The following TOM1L1 variants were observed in gnomAD, a reference collection of about 807,000 sequenced individuals.
The protein encoded by TOM1L1 is TOM1-like protein 1.
In TOM1L1, 64 loss-of-function variants were observed where a neutral mutation model predicts 63.4. The ratio of observed to expected loss-of-function variants is 1.01; its 90% CI spans 0.83 to 1.24. The LOEUF (loss-of-function observed/expected upper bound fraction) is 1.24, where lower values mean the gene tolerates loss of function less well. Ranked by LOEUF, TOM1L1 falls within the 50% of genes most tolerant of loss-of-function variation. TOM1L1 has a pLI of 0.00. For synonymous variants in TOM1L1, 166 were observed against 194.4 expected (o/e 0.85, Z 1.22); for missense variants, 536 against 567.0 (o/e 0.95, Z 0.55).
At chr17:54,912,893 C>T (rs2048519205) in intron 4 of TOM1L1, 78 bp downstream of exon 4, 1 of 1,250,718 alleles carries the variant, frequency 8.0e-7, no homozygotes, top group Non-Finnish European at 1.1e-6. Context: ...GATTGTTTCA[C>T]TTATCTTTTA....
At chr17:54,960,429 C>T in intron 14 of TOM1L1, 137 bp from the exon 15 acceptor site, 1 of 658,060 alleles carries the variant, frequency 1.5e-6, no homozygotes, top group South Asian at 1.8e-5. Context: ...CACTTCAGGG[C>T]AGAGACTTAT....
intron 11 of TOM1L1, among the ~76,000 whole-genome samples, chr17:54,939,443 A>C (rs2143909139): frequency 6.6e-6 from 1 of 152,338 alleles, no homozygotes; most frequent in African/African-American, 2.4e-5. Context: ...AGGAGGCAGA[A>C]GAGCAATGAG....
intron 7 of TOM1L1, among the ~76,000 whole-genome samples, chr17:54,926,988 A>G (rs1400433878): frequency 1.3e-5 from 2 of 152,246 alleles, no homozygotes; most frequent in Admixed American, 6.5e-5. Flanking sequence ...GCAGCAACCA[A>G]GTCCTGTACT....
intron 12 of TOM1L1, among the ~76,000 whole-genome samples, chr17:54,948,520 T>C (rs2143952449): frequency 1.3e-5 from 2 of 152,324 alleles, no homozygotes; most frequent in Middle Eastern, 6.8e-3. Flanking sequence ...AGACTCACTT[T>C]AGTCAGGCTC....
chr17:54,930,023 A>G, intron 7 of TOM1L1, 50 bp from the exon 8 acceptor site: 9 of 1,611,436 alleles, frequency 5.6e-6, no homozygotes, highest in Non-Finnish European at 7.6e-6. Flanking sequence ...AGATGTCTTT[A>G]TAGAATGTTC....
At chr17:54,950,487 C>G (rs1197067066) in intron 14 of TOM1L1, among the ~76,000 whole-genome samples, 1 of 152,122 alleles carries the variant, frequency 6.6e-6, no homozygotes, top group Non-Finnish European at 1.5e-5. Flanking sequence ...ATTTTAGCTG[C>G]TCTTTATGAA....
intron 11 of TOM1L1, among the ~76,000 whole-genome samples, chr17:54,946,416 T>C (rs2049120002): frequency 6.6e-6 from 1 of 152,222 alleles, no homozygotes; most frequent in Non-Finnish European, 1.5e-5. Context: ...ACTATGCTTA[T>C]GTCTGACTAA....
chr17:54,947,313 G>T lies in TOM1L1; in HGVS notation c.1182+1G>T. ...CACCTCAAGCCACGCATATGATAAT[G>T]TAAGTAACAAAACTCTTTTCTAGCA... On this transcript the variant is annotated splice_donor_variant, in intron 12 of 15. Transcript: ENST00000575882. LOFTEE classifies it high-confidence loss of function. 6.2e-7 allele frequency: 1 copy of T among 1,614,076 alleles called. No individual in the cohort carries two copies. The highest frequency in any genetic ancestry group is 8.5e-7 in the Non-Finnish European group (1 of 1,179,958).
At chr17:54,929,966 G>A in intron 7 of TOM1L1, 107 bp from the exon 8 acceptor site, 1 of 1,396,246 alleles carries the variant, frequency 7.2e-7, no homozygotes, top group Non-Finnish European at 9.9e-7. Flanking sequence ...TGCCCCACAG[G>A]CTACTTAACG....
At chr17:54,901,025 T>C in intron 1 of TOM1L1, 102 bp downstream of exon 1, 1 of 1,505,706 alleles carries the variant, frequency 6.6e-7, no homozygotes, top group Non-Finnish European at 9.1e-7. Context: ...TAGTCCAACT[T>C]GAAAAAATTA....
chr17:54,909,043 C>T (rs868619095), intron 3 of TOM1L1, among the ~76,000 whole-genome samples: 1 of 152,194 alleles, frequency 6.6e-6, no homozygotes, highest in Admixed American at 6.5e-5. Flanking sequence ...TAGATCACTT[C>T]AGGTCAGGAG....
intron 12 of TOM1L1, 103 bp downstream of exon 12, chr17:54,947,415 G>A: frequency 7.7e-7 from 1 of 1,304,244 alleles, no homozygotes; most frequent in Non-Finnish European, 1.1e-6. Context: ...TCAGTATTGT[G>A]TTGATGCGCA....
intron 7 of TOM1L1, among the ~76,000 whole-genome samples, chr17:54,923,683 C>T (rs1195857161): frequency 1.3e-5 from 2 of 151,912 alleles, no homozygotes; most frequent in African/African-American, 2.4e-5. Context: ...GTAGCTGAGA[C>T]TATAGGTGCC....
intron 8 of TOM1L1, among the ~76,000 whole-genome samples, chr17:54,934,273 A>G (rs748512783): frequency 2.6e-5 from 4 of 152,150 alleles, no homozygotes; most frequent in Non-Finnish European, 4.4e-5. Flanking sequence ...CTTTGTAGCT[A>G]TATTATTTAG....
chr17:54,908,784 A>G (rs1598004164), intron 3 of TOM1L1, among the ~76,000 whole-genome samples: 2 of 152,224 alleles, frequency 1.3e-5, no homozygotes, highest in Admixed American at 1.3e-4. Flanking sequence ...GCAAGAGGCT[A>G]CTATTATTGT....
At position 54,900,931 on chromosome 17, in the gene TOM1L1, G is replaced by A; in HGVS notation, c.58+8G>A. On this transcript the variant is annotated splice_region_variant and intron_variant, in intron 1 of 15. Transcript: ENST00000575882. Reference sequence around the variant, plus strand: ...CCGTGGGCCACCTCATAGGTAAGGAGGCGCGGGGAGAGACGCCCAGGCAGG... The same window carrying A: ...CCGTGGGCCACCTCATAGGTAAGGAAGCGCGGGGAGAGACGCCCAGGCAGG... The A allele has an allele frequency of 1.2e-6, 2 of 1,613,896 alleles. No individual in the cohort carries two copies. The highest frequency in any genetic ancestry group is 2.7e-5 in the African/African-American group (2 of 75,058).
Position 54,961,543 on chromosome 17 carries a change from C to T in TOM1L1, c.*310C>T, listed in dbSNP as rs2077125094. The T allele has an allele frequency of 3.6e-6, 5 of 1,374,700 alleles. No homozygotes were observed. Among genetic ancestry groups the T allele is most frequent in the South Asian group, 1.7e-5 (1 of 58,330 alleles). 85.2% of individuals were successfully genotyped at this position (1,374,700 alleles called of 1,614,324 possible). A position where few individuals can be genotyped will look rare whatever the true frequency, so the allele number is the denominator to read the frequency against. On this transcript the variant is annotated 3_prime_UTR_variant, in exon 16 of 16. Transcript: ENST00000575882. ...GTGTCATGTTTCACAGGCCTTCCTA[C>T]ATTTAGAAATCGTCACACAGCTGTG... is the stretch of plus-strand genomic sequence containing the variant.
intron 3 of TOM1L1, 23 bp downstream of exon 3, chr17:54,905,590 T>TA: frequency 1.4e-6 from 2 of 1,395,412 alleles, no homozygotes; most frequent in South Asian, 1.2e-5. Flanking sequence ...ATTTTATAAT[T>TA]AAGACTCGAG....
At chr17:54,954,348 T>TA (rs1371228451) in intron 14 of TOM1L1, 3 of 152,172 alleles carry the variant, frequency 2.0e-5, no homozygotes, top group East Asian at 3.9e-4. Flanking sequence ...TCAACAGTTT[T>TA]AAAAAACACA....
Sources: allele counts gnomAD v4.1 joint callset (sites outside exome capture counted in the v4.1 genomes callset), GRCh38; gene constraint gnomAD v4.1.1; transcripts MANE v1.5; gene names NCBI Gene and HGNC (gene_info 2026-07-23, HGNC 2026-07-21).